Variants in TMEM132D observed in about 807,000 individuals in gnomAD.
The protein encoded by TMEM132D is mature OL transmembrane protein.
In TMEM132D, 21 loss-of-function variants were observed where a neutral mutation model predicts 62.3. The observed-to-expected ratio is 0.34, with a 90% confidence interval of 0.24 to 0.49. The LOEUF is 0.49. Among genes scored for constraint, TMEM132D ranks in the 20% least tolerant of loss-of-function variants. TMEM132D has a pLI of 0.99. For missense variants in TMEM132D, 1,346 were observed against 1,402.8 expected (o/e 0.96, Z 0.65); for synonymous variants, 621 against 575.6 (o/e 1.08, Z -1.13).
rs557898072 is a variant in TMEM132D at position 129,827,155 on chromosome 12, G to T, written c.79+76106C>A. Among the ~76,000 whole-genome samples, 1 of 152,084 alleles carries T rather than the reference G, an allele frequency of 6.6e-6. No individual in the cohort carries two copies. Among genetic ancestry groups the T allele is most frequent in the South Asian group, 2.1e-4 (1 of 4,810 alleles). On this transcript the variant is annotated intron_variant, in intron 1 of 8. Transcript: ENST00000422113. This position sits in a 1 kb window ranked among gnomAD's most constrained non-coding sequence, Gnocchi z 9.7. ...TAATAATAGCAATTAATAATTAAGC[G>T]CGTCTCTATATTTGATCTTCTGCTA...
chr12:129,156,934 C>G (rs1194082620), intron 5 of TMEM132D, among the ~76,000 whole-genome samples: 1 of 152,078 alleles, frequency 6.6e-6, no homozygotes, highest in Non-Finnish European at 1.5e-5. Context: ...ATAACTAACC[C>G]ACTCCTGTGA....
intron 2 of TMEM132D, among the ~76,000 whole-genome samples, chr12:129,549,125 C>A (rs1593061840): frequency 6.6e-6 from 1 of 151,358 alleles, no homozygotes. Flanking sequence ...GTGGGAGGGA[C>A]CTGGTGGGAG....
intron 3 of TMEM132D, among the ~76,000 whole-genome samples, chr12:129,357,496 G>C (rs1389916822): frequency 1.4e-5 from 2 of 147,726 alleles, no homozygotes; most frequent in African/African-American, 2.5e-5. Flanking sequence ...GGGAGGGAAG[G>C]AACAAAGGAA....
chr12:129,117,749 G>C (rs1387220427), intron 5 of TMEM132D, among the ~76,000 whole-genome samples: 1 of 152,208 alleles, frequency 6.6e-6, no homozygotes, highest in Non-Finnish European at 1.5e-5. Flanking sequence ...TAATAACAAA[G>C]ACTACATGTC....
chr12:129,210,641 A>G (rs1239062705), intron 4 of TMEM132D, among the ~76,000 whole-genome samples: 1 of 152,008 alleles, frequency 6.6e-6, no homozygotes, highest in Non-Finnish European at 1.5e-5. Flanking sequence ...TAGTTATTTA[A>G]TCCCTTTATC....
chr12:129,690,166 T>G (rs1565950113), intron 2 of TMEM132D, among the ~76,000 whole-genome samples: 1 of 152,120 alleles, frequency 6.6e-6, no homozygotes, highest in African/African-American at 2.4e-5. Context: ...TCAGATTAGT[T>G]AAAAATGTAT....
chr12:129,554,166 C>T (rs1876985740), intron 2 of TMEM132D, among the ~76,000 whole-genome samples: 1 of 152,174 alleles, frequency 6.6e-6, no homozygotes, highest in Non-Finnish European at 1.5e-5. Context: ...GCTCACACTG[C>T]ATCATCACAC....
chr12:129,702,343 T>C lies in TMEM132D; in HGVS notation c.80-1645A>G, dbSNP rs138662458. On this transcript the variant is annotated intron_variant, in intron 1 of 8. Transcript: ENST00000422113. ...TGGATTGTTTTCAAAAATCAAAATA[T>C]CATAGATATAAAAAGGGACTCCATG... 4.5e-3 allele frequency among the ~76,000 whole-genome samples: 687 copies of C among 152,278 alleles called. 4 individuals are homozygous for C. The highest frequency in any genetic ancestry group is 0.016 in the African/African-American group (647 of 41,552).
chr12:129,360,572 T>C (rs1339137185), intron 3 of TMEM132D, among the ~76,000 whole-genome samples: 1 of 152,104 alleles, frequency 6.6e-6, no homozygotes. Flanking sequence ...ACATGAAACT[T>C]GTAGCCACAC....
chr12:129,314,958 T>A (rs951027722), intron 4 of TMEM132D, among the ~76,000 whole-genome samples: 23 of 152,158 alleles, frequency 1.5e-4, no homozygotes, highest in Non-Finnish European at 8.8e-5. Flanking sequence ...TTGCTGTTGG[T>A]GTATAGAAGA....
At position 129,829,892 on chromosome 12, in the gene TMEM132D, G is replaced by T. The variant is rs114171938; in HGVS notation, c.79+73369C>A. Among the ~76,000 whole-genome samples, 842 of 152,282 alleles carry T rather than the reference G, an allele frequency of 5.5e-3. 8 individuals are homozygous for T. Among genetic ancestry groups the T allele is most frequent in the African/African-American group, 0.019 (776 of 41,570 alleles). ...ACTCACCCAGGTCAGATCCTGGACT[G>T]CTGCAACCAACTGAATCAAATCTCC... On this transcript the variant is annotated intron_variant, in intron 1 of 8. Transcript: ENST00000422113.
At chr12:129,594,159 G>A (rs894953991) in intron 2 of TMEM132D, among the ~76,000 whole-genome samples, 1 of 152,174 alleles carries the variant, frequency 6.6e-6, no homozygotes, top group Non-Finnish European at 1.5e-5. Context: ...CAACCACGGG[G>A]CGCTTCCCAG....
chr12:129,142,049 C>T (rs1014712609), intron 5 of TMEM132D, among the ~76,000 whole-genome samples: 5 of 149,242 alleles, frequency 3.4e-5, no homozygotes, highest in South Asian at 4.2e-4. Flanking sequence ...CTGATATTGG[C>T]CTGCATTCTA....
intron 2 of TMEM132D, among the ~76,000 whole-genome samples, chr12:129,685,298 G>C (rs1045315516): frequency 6.6e-6 from 1 of 152,116 alleles, no homozygotes; most frequent in Non-Finnish European, 1.5e-5. Flanking sequence ...TGGGCCCAGG[G>C]CCCCCCTACT....
rs2135605785 is a variant in TMEM132D at position 129,075,058 on chromosome 12, T to A, written c.2117A>T (p.Glu706Val). 1 of 1,600,138 alleles carries A rather than the reference T, an allele frequency of 6.2e-7. No homozygotes were observed. Among genetic ancestry groups the A allele is most frequent in the Non-Finnish European group, 8.5e-7 (1 of 1,175,742 alleles). The change falls in exon 9 of 9, where the codon GAA (glutamate) becomes GTA (valine). Residue 706 changes from glutamate to valine, a missense_variant and splice_region_variant. Coordinates refer to ENST00000422113, the MANE Select transcript of TMEM132D (RefSeq NM_133448.3). ...CTGGACCCAGCAACTGATGGCTGCT[T>A]CCTATGGAGAAAAATATGTAAGTTA... is the stretch of plus-strand genomic sequence containing the variant. ...AQELLQRPKQ[E>V]AAISCWVQFS...
chr12:129,653,396 T>C (rs265600), intron 2 of TMEM132D, among the ~76,000 whole-genome samples: 105,068 of 152,130 alleles, frequency 0.69, 36,547 homozygotes, highest in East Asian at 0.86. Flanking sequence ...AACAATGACA[T>C]ATCAGGAAAG....
At chr12:129,086,552 A>G (rs908649623) in intron 5 of TMEM132D, among the ~76,000 whole-genome samples, 1 of 151,678 alleles carries the variant, frequency 6.6e-6, no homozygotes, top group Admixed American at 6.6e-5. Flanking sequence ...TCTAGGTTCT[A>G]CTCATGTTGC....
At chr12:129,312,059 T>C (rs1881989119) in intron 4 of TMEM132D, among the ~76,000 whole-genome samples, 1 of 152,178 alleles carries the variant, frequency 6.6e-6, no homozygotes, top group African/African-American at 2.4e-5. Context: ...ATAGAGGGAA[T>C]GGACCAGGTA....
intron 1 of TMEM132D, among the ~76,000 whole-genome samples, chr12:129,805,377 A>C (rs2137310959): frequency 6.6e-6 from 1 of 152,222 alleles, no homozygotes; most frequent in Non-Finnish European, 1.5e-5. Context: ...GAGCCCTCAG[A>C]AATAACGCCG....
Sources: gnomAD v4.1 joint callset for allele counts (sites outside exome capture counted in the v4.1 genomes callset) on GRCh38, gnomAD v4.1.1 for gene constraint, Gnocchi (gnomAD v3.1) non-coding constraint, MANE v1.5 for transcripts, NCBI Gene and HGNC (gene_info 2026-07-23, HGNC 2026-07-21) for gene names.